Variants in ZNF592 observed in about 807,000 individuals in gnomAD.
ZNF592 encodes spinocerebellar ataxia, autosomal recessive 5.
ZNF592 carries 11 observed loss-of-function variants against 80.3 expected under a neutral mutation model. The observed-to-expected ratio is 0.14, with a 90% CI of 0.09 to 0.23. ZNF592 has a LOEUF of 0.23. Among genes scored for constraint, ZNF592 ranks in the 10% least tolerant of loss-of-function variants. The probability of loss-of-function intolerance (pLI) is 1.00; values close to 1 mark genes in which losing one functional copy is unlikely to be tolerated. For missense variants in ZNF592, 1,420 were observed against 1,633.9 expected (o/e 0.87, Z 2.26); for synonymous variants, 646 against 640.3 (o/e 1.01, Z -0.13).
At chr15:84,793,776 T>G (rs1250391361) in intron 5 of ZNF592, among the ~76,000 whole-genome samples, 2 of 152,238 alleles carry the variant, frequency 1.3e-5, no homozygotes, top group African/African-American at 2.4e-5. Flanking sequence ...TGGAATTATG[T>G]AATATTATTA....
At chr15:84,771,091 A>T (rs1899687566) in intron 2 of ZNF592, among the ~76,000 whole-genome samples, 1 of 151,990 alleles carries the variant, frequency 6.6e-6, no homozygotes, top group Admixed American at 6.6e-5. Flanking sequence ...AGCAGTGACA[A>T]CTCACCTGCC....
intron 5 of ZNF592, among the ~76,000 whole-genome samples, chr15:84,794,627 C>T (rs1962844013): frequency 6.6e-6 from 1 of 152,144 alleles, no homozygotes; most frequent in African/African-American, 2.4e-5. Flanking sequence ...CAGACGCCCA[C>T]CACCATTCCT....
At chr15:84,801,080 G>A (rs1240759558) in intron 10 of ZNF592, among the ~76,000 whole-genome samples, 1 of 152,226 alleles carries the variant, frequency 6.6e-6, no homozygotes, top group Non-Finnish European at 1.5e-5. Context: ...CATCACTTTG[G>A]GAGGCCAAGG....
rs1404375300 is a variant in ZNF592, at chr15:84,783,311, G to A, written c.636G>A (p.Leu212=). Residue 212 remains leucine, a synonymous_variant, in exon 4 of 11, where the codon TTG becomes TTA. Transcript: ENST00000560079. This position sits in a 1 kb window ranked among gnomAD's most constrained non-coding sequence, Gnocchi z 5.0. ...KKEPKPEPLP[L]GSQQEHEQSG... Reference sequence around the variant, plus strand: ...AACCCAAGCCAGAACCCCTGCCCTTGGGGAGCCAGCAGGAACACGAGCAAA... The same window carrying A: ...AACCCAAGCCAGAACCCCTGCCCTTAGGGAGCCAGCAGGAACACGAGCAAA... The A allele has an allele frequency of 1.2e-6, 2 of 1,614,236 alleles. No individual in the cohort carries two copies. Among genetic ancestry groups the A allele is most frequent in the South Asian group, 2.2e-5 (2 of 91,078 alleles).
In ZNF592 at chr15:84,778,257, A is replaced by T; in HGVS notation, c.-75A>T. ...CGCTCCCCCGTACGGAGACAGAGGG[A>T]GGGGGGGCTCCAAAGCCGAAAGAGG... On this transcript the variant is annotated 5_prime_UTR_variant, in exon 3 of 11. Coordinates refer to ENST00000560079, the MANE Select transcript of ZNF592 (RefSeq NM_014630.3). The T allele has an allele frequency of 3.5e-6, 1 of 282,336 alleles. No individual in the cohort carries two copies. Among genetic ancestry groups the T allele is most frequent in the South Asian group, 3.1e-5 (1 of 32,360 alleles). The allele number at this position is 282,336 out of a possible 1,614,324, so 17.5% of individuals were successfully genotyped here.
chr15:84,755,586 A>T (rs1899146949), intron 1 of ZNF592, among the ~76,000 whole-genome samples: 1 of 152,154 alleles, frequency 6.6e-6, no homozygotes, highest in African/African-American at 2.4e-5. Context: ...GTAAGATCTT[A>T]CCTCTGAGTG....
intron 4 of ZNF592, among the ~76,000 whole-genome samples, chr15:84,787,772 CA>C (rs1962632470): frequency 1.3e-5 from 2 of 152,128 alleles, no homozygotes; most frequent in Non-Finnish European, 2.9e-5. Context: ...CCAGTTATGT[CA>C]AAAAATGTCT....
At position 84,799,148 on chromosome 15, in the gene ZNF592, C is replaced by G. The variant is rs1596135567; in HGVS notation, c.3075C>G (p.Pro1025=). The change falls in exon 9 of 11, where the codon CCC becomes CCG. Residue 1025 remains proline, a synonymous_variant. Transcript: ENST00000560079. This position sits in a 1 kb window ranked among gnomAD's most constrained non-coding sequence, Gnocchi z 4.2. The part of the protein sequence containing the change: ...CRQCEQSFHT[P]NSLRKHIRNN... ...AGTGTGAACAGTCCTTCCACACCCCCAACAGCCTGCGCAAACACATCCGCA... is the reference window on the plus strand; with the variant it reads ...AGTGTGAACAGTCCTTCCACACCCCGAACAGCCTGCGCAAACACATCCGCA... 32 of 1,614,180 alleles carry G rather than the reference C, an allele frequency of 2.0e-5. No homozygotes were observed. The highest frequency in any genetic ancestry group is 2.6e-5 in the Non-Finnish European group (31 of 1,180,034).
intron 1 of ZNF592, among the ~76,000 whole-genome samples, chr15:84,755,513 C>T (rs895444342): frequency 4.6e-5 from 7 of 152,036 alleles, no homozygotes; most frequent in Non-Finnish European, 1.0e-4. Context: ...CCAGAGAACA[C>T]GAGACCTACA....
chr15:84,765,813 GGCATGA>G (rs901105719), intron 2 of ZNF592, among the ~76,000 whole-genome samples: 1 of 151,970 alleles, frequency 6.6e-6, no homozygotes, highest in Non-Finnish European at 1.5e-5. Flanking sequence ...AGGGATTACA[GGCATGA>G]GCCACCGCAC....
chr15:84,776,145 T>G (rs1962246689), intron 2 of ZNF592, among the ~76,000 whole-genome samples: 1 of 152,212 alleles, frequency 6.6e-6, no homozygotes, highest in South Asian at 2.1e-4. Context: ...GCTTACCAGG[T>G]CTGGATCTAT....
At chr15:84,791,019 T>C (rs1962732162) in intron 5 of ZNF592, 136 bp downstream of exon 5, 1 of 945,288 alleles carries the variant, frequency 1.1e-6, no homozygotes, top group Non-Finnish European at 1.7e-6. Context: ...TTGGATGGTA[T>C]GTGGACAGAC....
chr15:84,800,745 C>T (rs1963070047), intron 10 of ZNF592, among the ~76,000 whole-genome samples: 1 of 152,222 alleles, frequency 6.6e-6, no homozygotes, highest in Non-Finnish European at 1.5e-5. Context: ...AATGCACATA[C>T]CCTTTGATCC....
At chr15:84,781,342 C>T (rs1037280259) in intron 3 of ZNF592, among the ~76,000 whole-genome samples, 5 of 151,776 alleles carry the variant, frequency 3.3e-5, no homozygotes, top group East Asian at 1.9e-4. Context: ...GCCACTGCGA[C>T]GGGCCCTTAA....
chr15:84,775,366 G>A (rs754100258), intron 2 of ZNF592, among the ~76,000 whole-genome samples: 2 of 152,092 alleles, frequency 1.3e-5, no homozygotes, highest in African/African-American at 2.4e-5. Flanking sequence ...AAAGTACTGG[G>A]ATTACAGTCA....
At chr15:84,777,694 C>CT (rs397854471) in intron 2 of ZNF592, among the ~76,000 whole-genome samples, 7,071 of 98,048 alleles carry the variant, frequency 0.072, 473 homozygotes, top group African/African-American at 0.13. Context: ...TGTTGAGATA[C>CT]TTTTTTTTTT....
Position 84,802,000 on chromosome 15 carries a change from C to T in ZNF592, c.3411C>T (p.Leu1137=), listed in dbSNP as rs147601004. The T allele has an allele frequency of 9.9e-6, 16 of 1,613,856 alleles. No homozygotes were observed. The highest frequency in any genetic ancestry group is 3.3e-4 in the Middle Eastern group (2 of 6,078). ...AKCSFATDSG[L]EFQSHIPQHQ... is the part of the protein sequence containing the mutation. ...GTAGTTTTGCCACAGACTCGGGGCTCGAGTTTCAGAGCCACATACCTCAGC... is the reference window on the plus strand; with the variant it reads ...GTAGTTTTGCCACAGACTCGGGGCTTGAGTTTCAGAGCCACATACCTCAGC... The change falls in exon 11 of 11, where the codon CTC becomes CTT. Residue 1137 remains leucine, a synonymous_variant. Transcript: ENST00000560079.
Position 84,798,761 on chromosome 15 carries a change from C to G in ZNF592, c.2910C>G (p.Arg970=). 1 of 1,607,512 alleles carries G rather than the reference C, an allele frequency of 6.2e-7. No homozygotes were observed. The highest frequency in any genetic ancestry group is 8.5e-7 in the Non-Finnish European group (1 of 1,179,796). The change falls in exon 8 of 11, where the codon CGC becomes CGG. Residue 970 remains arginine (R), a synonymous_variant. Transcript: ENST00000560079. This position sits in a 1 kb window ranked among gnomAD's most constrained non-coding sequence, Gnocchi z 4.5. The part of the protein sequence containing the change: ...SGRWGRPEAH[R]RVEARPRLRN... ...GCTGGGGTAGGCCTGAAGCCCACCG[C>G]AGGGTGGAAGCCAGGCCGCGGCTGA...
At chr15:84,749,086 T>C (rs914132119) in intron 1 of ZNF592, among the ~76,000 whole-genome samples, 1 of 152,210 alleles carries the variant, frequency 6.6e-6, no homozygotes, top group Non-Finnish European at 1.5e-5. Context: ...CCCGAAGAGC[T>C]GTCGCCGTCA....
Sources: allele counts gnomAD v4.1 joint callset (sites outside exome capture counted in the v4.1 genomes callset), GRCh38; gene constraint gnomAD v4.1.1; non-coding constraint Gnocchi (gnomAD v3.1); transcripts MANE v1.5; gene names NCBI Gene and HGNC (gene_info 2026-07-23, HGNC 2026-07-21).